MDM2: variants seen among roughly 807,000 people sequenced by gnomAD.
The protein encoded by MDM2 is E3 ubiquitin-protein ligase Mdm2.
Under a neutral mutation model 64.3 loss-of-function variants are expected in MDM2, and 11 were observed. The ratio of observed to expected loss-of-function variants is 0.17; its 90% confidence interval spans 0.11 to 0.28. MDM2 has a LOEUF of 0.28. Among genes scored for constraint, MDM2 ranks in the 10% least tolerant of loss-of-function variants. The probability of loss-of-function intolerance (pLI) is 1.00; values close to 1 mark genes in which losing one functional copy is unlikely to be tolerated. For synonymous variants in MDM2, 194 were observed against 192.9 expected, an observed-to-expected ratio of 1.01 and a Z score of -0.05; for missense variants, 388 against 577.1, an observed-to-expected ratio of 0.67 and a Z score of 3.36.
Position 68,839,863 on chromosome 12 carries a change from A to T in MDM2, c.*14A>T. 1 of 1,608,508 alleles carries T rather than the reference A, an allele frequency of 6.2e-7. No homozygotes were observed. The highest frequency in any genetic ancestry group is 2.2e-5 in the East Asian group (1 of 44,830). On this transcript the variant is annotated 3_prime_UTR_variant, in exon 11 of 11. Transcript: ENST00000258149. ...TATTTCCCCTAGTTGACCTGTCTATAAGAGAATTATATATTTCTAACTATA... is the reference window on the plus strand; with the variant it reads ...TATTTCCCCTAGTTGACCTGTCTATTAGAGAATTATATATTTCTAACTATA...
rs1192262800 is a variant in MDM2, at chr12:68,835,960, A to G, written c.816A>G (p.Gln272=). 1 of 1,609,624 alleles carries G rather than the reference A, an allele frequency of 6.2e-7. No homozygotes were observed. Among genetic ancestry groups the G allele is most frequent in the Non-Finnish European group, 8.5e-7 (1 of 1,177,570 alleles). The change falls in exon 9 of 11, where the codon CAA becomes CAG. Residue 272 remains glutamine (Q), a synonymous_variant. Transcript: ENST00000258149. ...SEDYSLSEEG[Q]ELSDEDDEVY... is the part of the protein sequence containing the mutation. ...ATTATAGCCTTAGTGAAGAAGGACA[A>G]GAACTCTCAGATGAAGATGATGAGG... is the stretch of plus-strand genomic sequence containing the variant.
Position 68,817,429 on chromosome 12 carries a change from A to T in MDM2, c.308+484A>T, listed in dbSNP as rs181703649. On this transcript the variant is annotated intron_variant, in intron 4 of 10. Coordinates refer to ENST00000258149, the MANE Select transcript of MDM2 (RefSeq NM_002392.6). Reference sequence around the variant, plus strand: ...ATTGTCACCTATCATTATGGCACTTAACCAGCAGAATTTAACCCAGGTAAT... The same window carrying T: ...ATTGTCACCTATCATTATGGCACTTTACCAGCAGAATTTAACCCAGGTAAT... Among the ~76,000 whole-genome samples the T allele has an allele frequency of 3.0e-3, 461 of 152,268 alleles. 2 individuals are homozygous for T. Among genetic ancestry groups the T allele is most frequent in the African/African-American group, 0.01 (423 of 41,548 alleles).
At chr12:68,831,869 A>G (rs989432491) in intron 8 of MDM2, among the ~76,000 whole-genome samples, 5 of 152,172 alleles carry the variant, frequency 3.3e-5, no homozygotes, top group Non-Finnish European at 1.5e-5. Context: ...GGAGTTCAGG[A>G]CCAGCCTCGC....
chr12:68,824,498 G>A (rs1882137363), intron 6 of MDM2, 57 bp from the exon 7 acceptor site: 1 of 1,591,842 alleles, frequency 6.3e-7, no homozygotes, highest in African/African-American at 1.3e-5. Context: ...TTTACAACAA[G>A]TTAGCTTACT....
intron 3 of MDM2, among the ~76,000 whole-genome samples, chr12:68,814,083 C>T (rs1042872717): frequency 5.3e-5 from 8 of 152,222 alleles, no homozygotes; most frequent in African/African-American, 1.7e-4. Flanking sequence ...GACGAAGTCT[C>T]GCTCTGTCAC....
intron 8 of MDM2, among the ~76,000 whole-genome samples, chr12:68,833,021 G>A (rs532005267): frequency 3.4e-5 from 5 of 148,166 alleles, no homozygotes; most frequent in African/African-American, 1.2e-4. Flanking sequence ...AGCCACTGGG[G>A]AGGCTGAGGC....
intron 10 of MDM2, among the ~76,000 whole-genome samples, chr12:68,837,702 G>T (rs1883419644): frequency 6.6e-6 from 1 of 152,090 alleles, no homozygotes; most frequent in South Asian, 2.1e-4. Context: ...AATGTGGTAG[G>T]ATTTGCCATT....
intron 2 of MDM2, among the ~76,000 whole-genome samples, chr12:68,811,500 T>C (rs1483119696): frequency 6.6e-6 from 1 of 152,170 alleles, no homozygotes; most frequent in Non-Finnish European, 1.5e-5. Context: ...TACCTTCTTG[T>C]TCTTCAATGT....
intron 8 of MDM2, among the ~76,000 whole-genome samples, chr12:68,834,805 T>A (rs1565745076): frequency 6.6e-6 from 1 of 152,192 alleles, no homozygotes; most frequent in Non-Finnish European, 1.5e-5. Context: ...AAGTGTAGAA[T>A]AAGCCATATC....
rs917548367 is a variant in MDM2 at position 68,839,892 on chromosome 12, C to A, written c.*43C>A. The A allele has an allele frequency of 7.2e-6, 11 of 1,528,638 alleles. No individual in the cohort carries two copies. The highest frequency in any genetic ancestry group is 9.8e-6 in the Non-Finnish European group (11 of 1,127,150). 94.7% of individuals were successfully genotyped at this position (1,528,638 alleles called of 1,614,324 possible). A position where few individuals can be genotyped will look rare whatever the true frequency, so the allele number is the denominator to read the frequency against. ...GAATTATATATTTCTAACTATATAACCCTAGGAATTTAGACAACCTGAAAT... is the reference window on the plus strand; with the variant it reads ...GAATTATATATTTCTAACTATATAAACCTAGGAATTTAGACAACCTGAAAT... On this transcript the variant is annotated 3_prime_UTR_variant, in exon 11 of 11. Transcript: ENST00000258149.
intron 2 of MDM2, among the ~76,000 whole-genome samples, chr12:68,811,785 A>G (rs940539171): frequency 1.3e-5 from 2 of 152,160 alleles, no homozygotes; most frequent in African/African-American, 4.8e-5. Context: ...TACTTTTAGT[A>G]GAGATAGGGT....
Position 68,845,368 on chromosome 12 carries a change from T to A in MDM2, c.*5519T>A. 1 of 211,738 alleles carries A rather than the reference T, an allele frequency of 4.7e-6. No homozygotes were observed. The allele number at this position is 211,738 out of a possible 1,614,324, so 13.1% of individuals were successfully genotyped here. A position where few individuals can be genotyped will look rare whatever the true frequency, so the allele number is the denominator to read the frequency against. ...GAAAGCACCAGCACTTGGAAGGTGT[T>A]CAGAAGTAACAAATTATAAAATGAG... On this transcript the variant is annotated 3_prime_UTR_variant, in exon 11 of 11. Coordinates refer to ENST00000258149, the MANE Select transcript of MDM2 (RefSeq NM_002392.6).
At chr12:68,810,839 G>C (rs565282578) in intron 2 of MDM2, among the ~76,000 whole-genome samples, 2 of 151,728 alleles carry the variant, frequency 1.3e-5, no homozygotes, top group South Asian at 4.2e-4. Context: ...GTTTCTTGGT[G>C]AGGCTGGGCA....
intron 5 of MDM2, 127 bp downstream of exon 5, chr12:68,820,501 A>T: frequency 1.4e-6 from 1 of 718,800 alleles, no homozygotes; most frequent in Non-Finnish European, 2.3e-6. Context: ...TTGTAATAAA[A>T]GTATGATAAA....
At chr12:68,849,084 C>G (rs1334128450), downstream of MDM2, 1 of 145,900 alleles carries the variant, frequency 6.9e-6, no homozygotes, top group Admixed American at 6.8e-5. Flanking sequence ...TGTCCACTAA[C>G]GGTAGACCCT....
rs1476400410 is a variant in MDM2, at chr12:68,824,347, TTTTC to T, written c.359-12_359-9del. 1 of 1,611,266 alleles carries T rather than the reference TTTTC, an allele frequency of 6.2e-7. No individual in the cohort carries two copies. Among genetic ancestry groups the T allele is most frequent in the African/African-American group, 1.3e-5 (1 of 74,792 alleles). ...CGCCCACCACCAAGTTTCTGATCCT[TTTTC>T]TTTTCTCTCAGAATCATCGGACTCA... On this transcript the variant is annotated splice_polypyrimidine_tract_variant and intron_variant, in intron 5 of 10. Transcript: ENST00000258149.
intron 4 of MDM2, 41 bp downstream of exon 4, chr12:68,816,986 C>G (rs759141994): frequency 6.2e-7 from 1 of 1,600,340 alleles, no homozygotes; most frequent in Non-Finnish European, 8.5e-7. Context: ...GCCATCTGGG[C>G]TAACATTTCA....
rs1883909742 is a variant in MDM2, at chr12:68,842,881, G to C, written c.*3032G>C. 4.8e-6 allele frequency: 1 copy of C among 206,668 alleles called. No individual in the cohort carries two copies. Among genetic ancestry groups the C allele is most frequent in the Non-Finnish European group, 9.9e-6 (1 of 101,304 alleles). 12.8% of individuals were successfully genotyped at this position (206,668 alleles called of 1,614,324 possible). ...TATATAATGAAGCCTAGTTATGCTG[G>C]ACTGTTTTGATCTCTTTTAATTGTT... On this transcript the variant is annotated 3_prime_UTR_variant, in exon 11 of 11. Transcript: ENST00000258149.
Position 68,840,502 on chromosome 12 carries a change from GT to G in MDM2, c.*660del. On this transcript the variant is annotated 3_prime_UTR_variant, in exon 11 of 11. Transcript: ENST00000258149. ...AAATGTGTGAAAGATTTAGTTTTTT[GT>G]TTTTTTGTTTGTTTGTTTGTTTGTT... is the stretch of plus-strand genomic sequence containing the variant. The G allele has an allele frequency of 1.1e-5, 2 of 189,566 alleles. No homozygotes were observed. The highest frequency in any genetic ancestry group is 2.0e-4 in the South Asian group (1 of 5,126). The allele number at this position is 189,566 out of a possible 1,614,324, so 11.7% of individuals were successfully genotyped here.
Sources: gnomAD v4.1 joint callset for allele counts (sites outside exome capture counted in the v4.1 genomes callset) on GRCh38, gnomAD v4.1.1 for gene constraint, MANE v1.5 for transcripts, NCBI Gene and HGNC (gene_info 2026-07-23, HGNC 2026-07-21) for gene names.